EYS: variants seen among roughly 807,000 people sequenced by gnomAD.
The protein encoded by EYS is EGF-like photoreceptor maintenance factor.
A neutral mutation model predicts 282.1 loss-of-function variants in EYS; 250 were observed. That is an observed-to-expected ratio of 0.89 (90% CI 0.80 to 0.98). The LOEUF (loss-of-function observed/expected upper bound fraction) is 0.98, where lower values mean the gene tolerates loss of function less well. EYS is among the 50% of genes least tolerant of loss of function. The probability of loss-of-function intolerance (pLI) is 0.00; values close to 1 mark genes in which losing one functional copy is unlikely to be tolerated. For synonymous variants in EYS, 1,355 were observed against 1,282.9 expected (o/e 1.06, Z -1.20); for missense variants, 4,016 against 3,709.0 (o/e 1.08, Z -2.15).
At chr6:64,671,818 A>G (rs750688501) in intron 22 of EYS, among the ~76,000 whole-genome samples, 1 of 152,126 alleles carries the variant, frequency 6.6e-6, no homozygotes, top group African/African-American at 2.4e-5. Context: ...AGTGTTTGAA[A>G]AGTATTCATT....
chr6:63,907,078 C>T (rs1000274606), intron 35 of EYS, among the ~76,000 whole-genome samples: 14 of 152,148 alleles, frequency 9.2e-5, no homozygotes, highest in East Asian at 7.7e-4. Context: ...CTCTGGTGTT[C>T]TATTTCCATA....
intron 6 of EYS, among the ~76,000 whole-genome samples, chr6:65,404,247 A>G (rs913809549): frequency 6.6e-6 from 1 of 152,044 alleles, no homozygotes; most frequent in African/African-American, 2.4e-5. Context: ...TCCACTTTAA[A>G]GGACCCTTGT....
At chr6:65,520,653 G>A (rs976885933) in intron 2 of EYS, among the ~76,000 whole-genome samples, 1 of 150,970 alleles carries the variant, frequency 6.6e-6, no homozygotes, top group East Asian at 1.9e-4. Flanking sequence ...TATATCAGAG[G>A]AATATAATGT....
intron 12 of EYS, among the ~76,000 whole-genome samples, chr6:65,170,821 A>T (rs948167462): frequency 6.6e-6 from 1 of 151,484 alleles, no homozygotes; most frequent in African/African-American, 2.4e-5. Flanking sequence ...ATCATCATAA[A>T]TTTTCTCACT....
intron 35 of EYS, among the ~76,000 whole-genome samples, chr6:63,957,939 T>A (rs1272865725): frequency 7.1e-6 from 1 of 140,892 alleles, no homozygotes; most frequent in Non-Finnish European, 1.6e-5. Flanking sequence ...TAGTGCAACT[T>A]ACTGAGAGGC....
rs1325257600 is a variant in EYS at position 63,778,042 on chromosome 6, T to C, written c.7862A>G (p.Asn2621Ser). Residue 2621 changes from asparagine (N) to serine (S), a missense_variant, in exon 40 of 43, where the codon AAT becomes AGT. Coordinates refer to ENST00000503581, the MANE Select transcript of EYS (RefSeq NM_001142800.2). ...TCCACTCTCTATGCATGTCCCACCA[T>C]TGCCACATTTCATTAAACTGCAGGG... is the stretch of plus-strand genomic sequence containing the variant. The part of the protein sequence containing the change: ...ASPCSLMKCG[N>S]GGTCIESGTS... 6.4e-7 allele frequency: 1 copy of C among 1,551,590 alleles called. No homozygotes were observed. The highest frequency in any genetic ancestry group is 8.7e-7 in the Non-Finnish European group (1 of 1,146,948).
At chr6:64,451,444 G>C (rs1444087740) in intron 26 of EYS, among the ~76,000 whole-genome samples, 1 of 152,134 alleles carries the variant, frequency 6.6e-6, no homozygotes, top group Non-Finnish European at 1.5e-5. Context: ...GGAGGAGCTG[G>C]TACCATTCCT....
chr6:64,043,231 G>A (rs1770469674), intron 33 of EYS, among the ~76,000 whole-genome samples: 1 of 152,166 alleles, frequency 6.6e-6, no homozygotes, highest in Non-Finnish European at 1.5e-5. Flanking sequence ...ATCTAGTGCT[G>A]GTGGGTAGGT....
At chr6:63,885,112 CA>C (rs2149720983) in intron 35 of EYS, among the ~76,000 whole-genome samples, 1 of 152,270 alleles carries the variant, frequency 6.6e-6, no homozygotes, top group South Asian at 2.1e-4. Context: ...ATATTTTAAT[CA>C]GGACTTATGT....
intron 29 of EYS, among the ~76,000 whole-genome samples, chr6:64,344,541 A>C (rs1232355063): frequency 6.6e-6 from 1 of 152,088 alleles, no homozygotes; most frequent in Non-Finnish European, 1.5e-5. Context: ...TATTGATGGG[A>C]TGTATCTCAA....
chr6:64,146,431 A>G (rs981389528), intron 31 of EYS, among the ~76,000 whole-genome samples: 2 of 152,192 alleles, frequency 1.3e-5, no homozygotes, highest in African/African-American at 4.8e-5. Context: ...ATTTGTTACA[A>G]TCTAAGTTTG....
Position 65,450,419 on chromosome 6 carries a change from T to A in EYS, c.862+40175A>T, listed in dbSNP as rs1764358365. 2.0e-5 allele frequency among the ~76,000 whole-genome samples: 3 copies of A among 152,284 alleles called. No homozygotes were observed. The South Asian group carries it at 6.2e-4, about 32-fold the overall frequency. On this transcript the variant is annotated intron_variant, in intron 5 of 42. Coordinates refer to ENST00000503581, the MANE Select transcript of EYS (RefSeq NM_001142800.2). Reference sequence around the variant, plus strand: ...ACGAGATGTTACAGATTGGATTCTCTGGGAATCAGATGTTGAGACAGAGTT... The same window carrying A: ...ACGAGATGTTACAGATTGGATTCTCAGGGAATCAGATGTTGAGACAGAGTT...
intron 12 of EYS, among the ~76,000 whole-genome samples, chr6:65,256,155 A>G (rs1007179984): frequency 7.9e-5 from 12 of 152,174 alleles, no homozygotes; most frequent in Admixed American, 2.6e-4. Flanking sequence ...ACACTGAAGT[A>G]CTATTCAGTC....
chr6:65,203,178 G>T (rs905113399), intron 12 of EYS, among the ~76,000 whole-genome samples: 1 of 152,136 alleles, frequency 6.6e-6, no homozygotes, highest in Admixed American at 6.6e-5. Context: ...TCATCTACTG[G>T]CTAGGAGGTC....
At chr6:65,379,397 C>T (rs1765525761) in intron 8 of EYS, among the ~76,000 whole-genome samples, 1 of 152,032 alleles carries the variant, frequency 6.6e-6, no homozygotes, top group Admixed American at 6.6e-5. Context: ...GCAGAAAAGG[C>T]CTTCGACGAA....
chr6:65,159,743 T>C (rs531241001), intron 12 of EYS, among the ~76,000 whole-genome samples: 4 of 150,948 alleles, frequency 2.6e-5, no homozygotes, highest in African/African-American at 9.7e-5. Flanking sequence ...ATTGTAGATA[T>C]CCTGGTTTTG....
chr6:64,226,856 C>T (rs1347881891), intron 31 of EYS, among the ~76,000 whole-genome samples: 1 of 152,022 alleles, frequency 6.6e-6, no homozygotes, highest in Non-Finnish European at 1.5e-5. Flanking sequence ...AGTCTCATAG[C>T]TCCAGAAACC....
At chr6:64,878,757 A>ATTTT (rs199550207) in intron 19 of EYS, among the ~76,000 whole-genome samples, 12 of 148,182 alleles carry the variant, frequency 8.1e-5, no homozygotes, top group East Asian at 7.9e-4. Flanking sequence ...GGAAATAAGG[A>ATTTT]TTTTTTTTTT....
At chr6:64,560,773 T>C (rs1765368981) in intron 26 of EYS, among the ~76,000 whole-genome samples, 1 of 152,114 alleles carries the variant, frequency 6.6e-6, no homozygotes, top group South Asian at 2.1e-4. Flanking sequence ...TTCTCCAAAC[T>C]TTGTCTAAAC....
Sources: allele counts gnomAD v4.1 joint callset (sites outside exome capture counted in the v4.1 genomes callset), GRCh38; gene constraint gnomAD v4.1.1; transcripts MANE v1.5; gene names NCBI Gene and HGNC (gene_info 2026-07-23, HGNC 2026-07-21).